Variants in ERBB4 observed in about 807,000 individuals in gnomAD.
The protein encoded by ERBB4 is erb-b2 receptor tyrosine kinase 4, also known as receptor tyrosine-protein kinase erbB-4.
Under a neutral mutation model 158.0 loss-of-function variants are expected in ERBB4, and 42 were observed. The observed-to-expected ratio is 0.27, with a 90% CI of 0.21 to 0.34. ERBB4 has a LOEUF of 0.34. ERBB4 is among the 10% of genes least tolerant of loss of function. The pLI is 1.00. For synonymous variants in ERBB4, 583 were observed against 558.7 expected (o/e 1.04, Z -0.61); for missense variants, 1,333 against 1,624.1 (o/e 0.82, Z 3.08).
intron 4 of ERBB4, among the ~76,000 whole-genome samples, chr2:211,752,823 C>A (rs1261044174): frequency 6.7e-6 from 1 of 148,314 alleles, no homozygotes; most frequent in African/African-American, 2.5e-5. Flanking sequence ...ACACAAAAAA[C>A]AAGTTTAAAT....
chr2:211,493,131 A>G (rs1428959669), intron 20 of ERBB4, among the ~76,000 whole-genome samples: 3 of 152,170 alleles, frequency 2.0e-5, no homozygotes, highest in Non-Finnish European at 4.4e-5. Context: ...GAGATTATCA[A>G]CCAGCTTTCC....
intron 1 of ERBB4, among the ~76,000 whole-genome samples, chr2:212,317,125 A>G (rs1255649976): frequency 6.6e-6 from 1 of 151,506 alleles, no homozygotes; most frequent in East Asian, 2.0e-4. Context: ...ATGTCCCAAT[A>G]AAGTATTTCA....
chr2:211,812,913 G>T (rs1194792449), intron 3 of ERBB4, among the ~76,000 whole-genome samples: 1 of 152,204 alleles, frequency 6.6e-6, no homozygotes, highest in South Asian at 2.1e-4. Flanking sequence ...TGCAGTATTT[G>T]GGCGGGAGTG....
In ERBB4 at chr2:211,977,531, T is replaced by TAAAA. The variant is rs370595284; in HGVS notation, c.235-29919_235-29916dup. Among the ~76,000 whole-genome samples, 158 of 67,620 alleles carry TAAAA rather than the reference T, an allele frequency of 2.3e-3. 2 individuals carry two copies. Among genetic ancestry groups the TAAAA allele is most frequent in the South Asian group, 0.023 (29 of 1,246 alleles). 44.4% of individuals were successfully genotyped at this position (67,620 alleles called of 152,430 possible). On this transcript the variant is annotated intron_variant, in intron 2 of 27. Coordinates refer to ENST00000342788, the MANE Select transcript of ERBB4 (RefSeq NM_005235.3). ...CCTTACTTTGTTAAGATATTGACTT[T>TAAAA]AAAAAAAAAAAAAAAAAGTAACTTG...
intron 1 of ERBB4, among the ~76,000 whole-genome samples, chr2:212,400,010 G>A (rs2106460290): frequency 6.6e-6 from 1 of 152,230 alleles, no homozygotes; most frequent in Admixed American, 6.5e-5. Context: ...TGATATGTTA[G>A]GCAGGCTGAA....
intron 1 of ERBB4, among the ~76,000 whole-genome samples, chr2:212,139,731 T>G (rs556190442): frequency 6.6e-6 from 1 of 152,094 alleles, no homozygotes; most frequent in African/African-American, 2.4e-5. Context: ...GTAAATACAA[T>G]TTCAAACTAA....
intron 20 of ERBB4, among the ~76,000 whole-genome samples, chr2:211,512,981 G>C (rs2065918979): frequency 6.6e-6 from 1 of 152,014 alleles, no homozygotes; most frequent in South Asian, 2.1e-4. Flanking sequence ...TTTTGTTTCT[G>C]GGTCAGACTG....
intron 1 of ERBB4, among the ~76,000 whole-genome samples, chr2:212,133,003 A>G (rs545808472): frequency 9.9e-5 from 15 of 152,232 alleles, no homozygotes; most frequent in Admixed American, 5.2e-4. Flanking sequence ...CAACTATTGT[A>G]TCTACAACCC....
At chr2:212,255,855 C>T (rs955467045) in intron 1 of ERBB4, among the ~76,000 whole-genome samples, 1 of 152,068 alleles carries the variant, frequency 6.6e-6, no homozygotes, top group African/African-American at 2.4e-5. Context: ...GGGTCTCCCT[C>T]TGTTGCCCAA....
intron 1 of ERBB4, among the ~76,000 whole-genome samples, chr2:212,415,452 A>G (rs531906349): frequency 6.6e-6 from 1 of 152,302 alleles, no homozygotes; most frequent in South Asian, 2.1e-4. Context: ...GGCATGCTGT[A>G]TACCTGTATT....
chr2:211,842,190 C>A (rs1364765203), intron 3 of ERBB4, among the ~76,000 whole-genome samples: 2 of 150,810 alleles, frequency 1.3e-5, no homozygotes, highest in Non-Finnish European at 3.0e-5. Context: ...GCTTGCTGGA[C>A]AAATAACAAT....
At chr2:212,419,607 G>A (rs1477350714) in intron 1 of ERBB4, among the ~76,000 whole-genome samples, 3 of 151,630 alleles carry the variant, frequency 2.0e-5, no homozygotes, top group Non-Finnish European at 4.4e-5. Flanking sequence ...GTTTTCAAGA[G>A]TTCAATGTCA....
chr2:211,968,810 A>G (rs879626692), intron 2 of ERBB4, among the ~76,000 whole-genome samples: 4 of 151,926 alleles, frequency 2.6e-5, no homozygotes, highest in Non-Finnish European at 5.9e-5. Context: ...GTACCAGTGC[A>G]TAAGTAGACA....
chr2:212,324,239 C>G (rs2087712104), intron 1 of ERBB4, among the ~76,000 whole-genome samples: 1 of 150,468 alleles, frequency 6.6e-6, no homozygotes, highest in Non-Finnish European at 1.5e-5. Flanking sequence ...AAAAGTAACC[C>G]GTATTACTCT....
chr2:211,569,665 G>A (rs1324708586), intron 19 of ERBB4, among the ~76,000 whole-genome samples: 3 of 152,166 alleles, frequency 2.0e-5, no homozygotes, highest in Admixed American at 6.5e-5. Flanking sequence ...CTTGGAAAGA[G>A]CATTCAAGGA....
intron 3 of ERBB4, among the ~76,000 whole-genome samples, chr2:211,841,106 A>G (rs573887200): frequency 6.6e-6 from 1 of 152,200 alleles, no homozygotes; most frequent in East Asian, 1.9e-4. Flanking sequence ...TTATACATTA[A>G]TATACTTTAT....
intron 3 of ERBB4, among the ~76,000 whole-genome samples, chr2:211,914,230 T>C (rs928127572): frequency 5.3e-5 from 8 of 151,398 alleles, no homozygotes; most frequent in African/African-American, 1.7e-4. Context: ...ACAAGCTTTC[T>C]ATGCAAAGAC....
intron 3 of ERBB4, among the ~76,000 whole-genome samples, chr2:211,880,631 C>T (rs1189227367): frequency 6.6e-6 from 1 of 152,054 alleles, no homozygotes; most frequent in African/African-American, 2.4e-5. Flanking sequence ...TAGTCTGAGG[C>T]CCTAGGAACC....
In ERBB4 at chr2:212,338,021, G is replaced by T. The variant is rs148640133; in HGVS notation, c.82+200428C>A. Among the ~76,000 whole-genome samples the T allele has an allele frequency of 6.0e-4, 91 of 152,152 alleles. 1 individual carries two copies. Among genetic ancestry groups the T allele is most frequent in the African/African-American group, 2.1e-3 (87 of 41,542 alleles). ...TGTGCCAGGATAATTGACATCAGCT[G>T]AAACTGTCCAGGGCAGACTTTATGT... On this transcript the variant is annotated intron_variant, in intron 1 of 27. Coordinates refer to ENST00000342788, the MANE Select transcript of ERBB4 (RefSeq NM_005235.3).
Sources: allele counts gnomAD v4.1 joint callset (sites outside exome capture counted in the v4.1 genomes callset), GRCh38; gene constraint gnomAD v4.1.1; transcripts MANE v1.5; gene names NCBI Gene and HGNC (gene_info 2026-07-23, HGNC 2026-07-21).